The following DOCK1 variants were observed in gnomAD, a reference collection of about 807,000 sequenced individuals.
DOCK1 encodes dedicator of cytokinesis protein 1.
In DOCK1, 138 loss-of-function variants were observed where a neutral mutation model predicts 262.7. The ratio of observed to expected loss-of-function variants is 0.53; its 90% CI spans 0.46 to 0.61. The LOEUF (loss-of-function observed/expected upper bound fraction) is 0.61. Among genes scored for constraint, DOCK1 ranks in the 20% least tolerant of loss-of-function variants. The probability of loss-of-function intolerance (pLI) is 0.00; values close to 1 mark genes in which losing one functional copy is unlikely to be tolerated. For missense variants in DOCK1, 1,908 were observed against 2,370.7 expected, an observed-to-expected ratio of 0.80 and a Z score of 4.05; for synonymous variants, 866 against 867.4, an observed-to-expected ratio of 1.00 and a Z score of 0.03.
chr10:127,336,754 T>C (rs747036018), intron 29 of DOCK1, among the ~76,000 whole-genome samples: 2 of 152,140 alleles, frequency 1.3e-5, no homozygotes, highest in Non-Finnish European at 2.9e-5. Context: ...TTAGCCAGGA[T>C]GGTCTCAATC....
chr10:127,130,235 CA>C (rs2050240878), intron 27 of DOCK1, among the ~76,000 whole-genome samples: 1 of 151,898 alleles, frequency 6.6e-6, no homozygotes, highest in Non-Finnish European at 1.5e-5. Context: ...AGGTGCACAT[CA>C]CCACACTCAA....
At chr10:127,282,904 T>A (rs1185184998) in intron 29 of DOCK1, among the ~76,000 whole-genome samples, 1 of 152,176 alleles carries the variant, frequency 6.6e-6, no homozygotes, top group Non-Finnish European at 1.5e-5. Context: ...GGCAGCAGGG[T>A]CCTGCGTGTA....
chr10:126,949,602 C>T (rs1354808087), intron 1 of DOCK1, among the ~76,000 whole-genome samples: 7 of 152,056 alleles, frequency 4.6e-5, no homozygotes, highest in Admixed American at 2.0e-4. Flanking sequence ...ATGAGAGCAT[C>T]GGGTGTTGAA....
intron 51 of DOCK1, 76 bp downstream of exon 51, chr10:127,447,621 C>A: frequency 6.4e-7 from 1 of 1,556,774 alleles, no homozygotes; most frequent in Non-Finnish European, 8.7e-7. Flanking sequence ...ATTCCAGATA[C>A]TAGCAGGTTT....
chr10:127,069,529 G>A (rs1330255795), intron 23 of DOCK1, among the ~76,000 whole-genome samples: 2 of 152,190 alleles, frequency 1.3e-5, no homozygotes, highest in Non-Finnish European at 2.9e-5. Flanking sequence ...TTGAGTGGAG[G>A]AGGGGGTGCA....
intron 27 of DOCK1, among the ~76,000 whole-genome samples, chr10:127,182,954 C>T (rs2133985323): frequency 6.6e-6 from 1 of 151,972 alleles, no homozygotes; most frequent in Non-Finnish European, 1.5e-5. Context: ...GTTGGCAGGA[C>T]ACAGAAGAGG....
chr10:127,201,087 C>T (rs981439122), intron 27 of DOCK1, among the ~76,000 whole-genome samples: 3 of 152,214 alleles, frequency 2.0e-5, no homozygotes, highest in Non-Finnish European at 2.9e-5. Flanking sequence ...CCTGTAGGGT[C>T]GAGATCATTC....
At chr10:127,094,479 T>G (rs985366700) in intron 23 of DOCK1, among the ~76,000 whole-genome samples, 1 of 152,112 alleles carries the variant, frequency 6.6e-6, no homozygotes, top group African/African-American at 2.4e-5. Context: ...TACCTGTGAG[T>G]GTCTGTGTAC....
At chr10:127,159,523 A>C (rs913281982) in intron 27 of DOCK1, among the ~76,000 whole-genome samples, 1 of 152,190 alleles carries the variant, frequency 6.6e-6, no homozygotes, top group African/African-American at 2.4e-5. Context: ...ACACACATAC[A>C]TACCTTTGTA....
At position 127,439,035 on chromosome 10, in the gene DOCK1, T is replaced by C; in HGVS notation, c.5069T>C (p.Leu1690Pro). The C allele has an allele frequency of 6.4e-7, 1 of 1,551,454 alleles. No individual in the cohort carries two copies. Among genetic ancestry groups the C allele is most frequent in the Non-Finnish European group, 8.7e-7 (1 of 1,146,934 alleles). The change falls in exon 49 of 52, where the codon CTG becomes CCG. Residue 1690 changes from leucine (L) to proline (P), a missense_variant. This residue lies in a region of DOCK1 where 383 missense variants were observed against 420.1 expected (regional missense o/e 0.91). Transcript: ENST00000623213. ...ATTGACCTTTCCTTTAGGTTTGCCC[T>C]GGAGCCTCTCCTGCCAAAGAAAATG... ...PSRPGSDGFALEPLLPKKMHS... is the reference protein window; with the variant it reads ...PSRPGSDGFAPEPLLPKKMHS...
chr10:126,912,372 G>A (rs2031904574), intron 1 of DOCK1, among the ~76,000 whole-genome samples: 1 of 151,106 alleles, frequency 6.6e-6, no homozygotes, highest in Admixed American at 6.6e-5. Context: ...GGAGGTTGCA[G>A]TGAGCCAAGA....
intron 27 of DOCK1, among the ~76,000 whole-genome samples, chr10:127,198,470 A>G (rs1335844054): frequency 6.6e-6 from 1 of 152,258 alleles, no homozygotes; most frequent in Non-Finnish European, 1.5e-5. Flanking sequence ...ACAGGTCAAC[A>G]TAAATGCATG....
intron 23 of DOCK1, among the ~76,000 whole-genome samples, chr10:127,071,870 T>G (rs1281869711): frequency 9.9e-5 from 15 of 152,224 alleles, no homozygotes; most frequent in Non-Finnish European, 8.8e-5. Flanking sequence ...TTGCCACTTG[T>G]TAGAGGACAA....
intron 1 of DOCK1, among the ~76,000 whole-genome samples, chr10:126,914,163 C>G (rs2134039264): frequency 6.6e-6 from 1 of 152,300 alleles, no homozygotes; most frequent in South Asian, 2.1e-4. Context: ...AAGTGCTGGT[C>G]AGAATTTTAA....
rs754451447 is a variant in DOCK1 at position 126,977,935 on chromosome 10, T to C, written c.131-13T>C. 1.9e-6 allele frequency: 3 copies of C among 1,613,936 alleles called. No individual in the cohort carries two copies. Among genetic ancestry groups the C allele is most frequent in the Non-Finnish European group, 2.5e-6 (3 of 1,179,812 alleles). On this transcript the variant is annotated splice_polypyrimidine_tract_variant and intron_variant, in intron 2 of 51. Coordinates refer to ENST00000623213, the MANE Select transcript of DOCK1 (RefSeq NM_001290223.2). ...CTCTTTGTACTAACTGTTTCAACTT[T>C]GTGTTTGTTTAGGGTGGTACCGAGG...
chr10:127,111,842 A>G (rs961379433), intron 25 of DOCK1, among the ~76,000 whole-genome samples: 1 of 152,148 alleles, frequency 6.6e-6, no homozygotes, highest in African/African-American at 2.4e-5. Context: ...ATGAATAACA[A>G]TTGTTGTAAA....
intron 28 of DOCK1, among the ~76,000 whole-genome samples, chr10:127,249,989 T>C (rs1197895227): frequency 1.3e-5 from 2 of 152,224 alleles, no homozygotes; most frequent in African/African-American, 4.8e-5. Flanking sequence ...TTGGAAATCA[T>C]GGCATAGCGA....
At chr10:127,232,221 G>T (rs908613658) in intron 27 of DOCK1, among the ~76,000 whole-genome samples, 2 of 152,164 alleles carry the variant, frequency 1.3e-5, no homozygotes, top group African/African-American at 4.8e-5. Context: ...AGCTTAAGAA[G>T]TTGTGAGTTA....
intron 30 of DOCK1, among the ~76,000 whole-genome samples, chr10:127,341,682 G>T (rs1328463379): frequency 6.6e-6 from 1 of 152,100 alleles, no homozygotes; most frequent in Non-Finnish European, 1.5e-5. Flanking sequence ...CAACATGTTG[G>T]TTCTCCCTGG....
Sources: allele counts gnomAD v4.1 joint callset (sites outside exome capture counted in the v4.1 genomes callset), GRCh38; gene constraint gnomAD v4.1.1; regional missense constraint gnomAD v4.1.1; transcripts MANE v1.5; gene names NCBI Gene and HGNC (gene_info 2026-07-23, HGNC 2026-07-21).